The following ZFAT variants were observed in gnomAD, a reference collection of about 807,000 sequenced individuals.
ZFAT encodes zinc finger protein ZFAT.
In ZFAT, 64 loss-of-function variants were observed where a neutral mutation model predicts 117.7. That is an observed-to-expected ratio of 0.54 (90% CI 0.44 to 0.67). The LOEUF (loss-of-function observed/expected upper bound fraction) is 0.67. Ranked by LOEUF, ZFAT falls within the 30% of genes least tolerant of loss-of-function variation. The pLI, the probability that ZFAT is intolerant of heterozygous loss-of-function variation, is 0.00. For synonymous variants in ZFAT, 679 were observed against 615.0 expected (o/e 1.10, Z -1.54); for missense variants, 1,433 against 1,584.5 (o/e 0.90, Z 1.62).
At chr8:134,542,717 C>T (rs1237455258) in intron 11 of ZFAT, among the ~76,000 whole-genome samples, 1 of 152,244 alleles carries the variant, frequency 6.6e-6, no homozygotes, top group Non-Finnish European at 1.5e-5. Flanking sequence ...GTCCACACCT[C>T]TTTGTAATAG....
At chr8:134,506,003 A>G (rs1819376345) in intron 15 of ZFAT, among the ~76,000 whole-genome samples, 1 of 152,240 alleles carries the variant, frequency 6.6e-6, no homozygotes, top group African/African-American at 2.4e-5. Context: ...AAATTTAATC[A>G]TAAGAACATC....
chr8:134,575,324 G>C lies in ZFAT; in HGVS notation c.2887+8508C>G, dbSNP rs537691782. Among the ~76,000 whole-genome samples, 53 of 152,320 alleles carry C rather than the reference G, an allele frequency of 3.5e-4. No homozygotes were observed. The Middle Eastern group carries it at 0.014, about 39-fold the overall frequency. ...AGGTAGTCCTAGTGAAATCACAAGGGTCCTTATAAAAGGAAGGCAGGAGGC... is the reference window on the plus strand; with the variant it reads ...AGGTAGTCCTAGTGAAATCACAAGGCTCCTTATAAAAGGAAGGCAGGAGGC... On this transcript the variant is annotated intron_variant, in intron 10 of 15. Transcript: ENST00000377838.
chr8:134,638,229 C>T (rs1009715772), intron 2 of ZFAT, among the ~76,000 whole-genome samples: 1 of 152,148 alleles, frequency 6.6e-6, no homozygotes, highest in African/African-American at 2.4e-5. Flanking sequence ...AATCTAAAGC[C>T]ACAAATTATA....
chr8:134,512,542 T>G lies in ZFAT; in HGVS notation c.3294A>C (p.Glu1098Asp). The change falls in exon 14 of 16, where the codon GAA (glutamate) becomes GAC (aspartate). Residue 1098 changes from glutamate (E) to aspartate (D), a missense_variant. Transcript: ENST00000377838. ...STQYLHITEA[E>D]EDVQGTQAAV... Reference sequence around the variant, plus strand: ...CTGCCTGTGTCCCTTGAACGTCTTCTTCGGCCTCTGTGATGTGGAGATACT... The same window carrying G: ...CTGCCTGTGTCCCTTGAACGTCTTCGTCGGCCTCTGTGATGTGGAGATACT... The G allele has an allele frequency of 6.2e-7, 1 of 1,613,980 alleles. No homozygotes were observed. The highest frequency in any genetic ancestry group is 8.5e-7 in the Non-Finnish European group (1 of 1,179,884).
chr8:134,533,026 C>T (rs539980693), intron 11 of ZFAT, 54 bp from the exon 12 acceptor site: 35 of 1,554,296 alleles, frequency 2.3e-5, no homozygotes, highest in East Asian at 9.6e-5. Flanking sequence ...TGTCTGCCTT[C>T]GCTGCTGCTC....
the ZFAT span, among the ~76,000 whole-genome samples, chr8:134,736,093 G>A: frequency 6.6e-5 from 10 of 152,184 alleles, no homozygotes; most frequent in East Asian, 3.9e-4. Context: ...TCAAGGCTCA[G>A]TGGGTCCCAA....
intron 15 of ZFAT, among the ~76,000 whole-genome samples, chr8:134,503,921 C>G (rs1819183816): frequency 6.7e-6 from 1 of 149,628 alleles, no homozygotes; most frequent in East Asian, 2.0e-4. Context: ...CACAAACACA[C>G]ACACACACAC....
chr8:134,511,047 C>G (rs1038789988), intron 14 of ZFAT: 1 of 152,318 alleles, frequency 6.6e-6, no homozygotes, highest in African/African-American at 2.4e-5. Context: ...AGCACTGGAG[C>G]GTGTGTCCCT....
chr8:134,781,033 T>G, the ZFAT span, among the ~76,000 whole-genome samples: 2 of 151,860 alleles, frequency 1.3e-5, no homozygotes, highest in South Asian at 4.2e-4. Context: ...TTTGTGGGGT[T>G]TTTTTTGGAT....
At chr8:134,679,963 G>A (rs1049877421) in intron 1 of ZFAT, among the ~76,000 whole-genome samples, 7 of 151,728 alleles carry the variant, frequency 4.6e-5, no homozygotes, top group African/African-American at 1.7e-4. Flanking sequence ...GGAGGGGGAG[G>A]GATAGCATTA....
chr8:134,663,284 A>C (rs1457236813), intron 1 of ZFAT, among the ~76,000 whole-genome samples: 2 of 152,224 alleles, frequency 1.3e-5, no homozygotes, highest in African/African-American at 4.8e-5. Context: ...AAGAACACTG[A>C]ATGGCACAGG....
At chr8:134,636,956 G>A (rs1249898933) in intron 3 of ZFAT, among the ~76,000 whole-genome samples, 5 of 152,184 alleles carry the variant, frequency 3.3e-5, no homozygotes, top group Non-Finnish European at 4.4e-5. Context: ...CTGGCCCATC[G>A]AGGTCCCTCA....
chr8:134,568,075 A>AATATATTCCAT (rs1824603896), intron 10 of ZFAT, among the ~76,000 whole-genome samples: 1 of 152,218 alleles, frequency 6.6e-6, no homozygotes, highest in South Asian at 2.1e-4. Context: ...ACACAGACTG[A>AATATATTCCAT]ATATATTCCA....
At position 134,676,415 on chromosome 8, in the gene ZFAT, AC is replaced by A. The variant is rs1199594328; in HGVS notation, c.20-18679del. 2.0e-5 allele frequency among the ~76,000 whole-genome samples: 3 copies of A among 152,222 alleles called. No individual in the cohort carries two copies. In the East Asian group the frequency reaches 5.8e-4, roughly 29 times the overall value. On this transcript the variant is annotated intron_variant, in intron 1 of 15. Transcript: ENST00000377838. ...AGCTAACTATCCTAAATATATACGC[AC>A]CCGATACAGGTGCACCCAGATTCAT...
At chr8:134,701,073 A>T (rs1035264267) in intron 1 of ZFAT, among the ~76,000 whole-genome samples, 3 of 152,194 alleles carry the variant, frequency 2.0e-5, no homozygotes, top group Non-Finnish European at 4.4e-5. Flanking sequence ...GTTCAGTGGC[A>T]TTAGATACAT....
chr8:134,610,690 T>A, intron 3 of ZFAT, 35 bp from the exon 4 acceptor site: 1 of 1,606,294 alleles, frequency 6.2e-7, no homozygotes, highest in Non-Finnish European at 8.5e-7. Context: ...TAAGGTATCC[T>A]TTTATATCAG....
chr8:134,549,426 G>A (rs1277583237), intron 11 of ZFAT, among the ~76,000 whole-genome samples: 1 of 144,112 alleles, frequency 6.9e-6, no homozygotes, highest in Non-Finnish European at 1.5e-5. Flanking sequence ...GGGCGACAGA[G>A]CGAGACTCCG....
chr8:134,480,336 T>C (rs1171319750), intron 15 of ZFAT, among the ~76,000 whole-genome samples: 1 of 152,244 alleles, frequency 6.6e-6, no homozygotes, highest in East Asian at 1.9e-4. Context: ...TCTTTCACTC[T>C]ACAGAACTTT....
At chr8:134,758,875 T>C in the ZFAT span, among the ~76,000 whole-genome samples, 1 of 152,118 alleles carries the variant, frequency 6.6e-6, no homozygotes, top group African/African-American at 2.4e-5. Flanking sequence ...GTGGTCCACC[T>C]CAAGGTGGGT....
Sources: allele counts gnomAD v4.1 joint callset (sites outside exome capture counted in the v4.1 genomes callset), GRCh38; gene constraint gnomAD v4.1.1; transcripts MANE v1.5; gene names NCBI Gene and HGNC (gene_info 2026-07-23, HGNC 2026-07-21).